NDUFAF2: variants seen among roughly 807,000 people sequenced by gnomAD.
NDUFAF2 encodes NADH:ubiquinone oxidoreductase complex assembly factor 2.
Under a neutral mutation model 22.8 loss-of-function variants are expected in NDUFAF2, and 13 were observed. The observed-to-expected ratio is 0.57, with a 90% CI of 0.37 to 0.91. The LOEUF (loss-of-function observed/expected upper bound fraction) is 0.91, where lower values mean the gene tolerates loss of function less well. NDUFAF2 is among the 40% of genes least tolerant of loss of function. NDUFAF2 has a pLI of 0.01. For missense variants in NDUFAF2, 162 were observed against 195.2 expected (o/e 0.83, Z 1.01); for synonymous variants, 53 against 64.2 (o/e 0.83, Z 0.84).
intron 2 of NDUFAF2, among the ~76,000 whole-genome samples, chr5:61,079,705 G>A (rs1752416804): frequency 6.6e-6 from 1 of 152,176 alleles, no homozygotes; most frequent in African/African-American, 2.4e-5. Context: ...CCTTTATCAA[G>A]TTGCAGAACT....
Position 61,040,303 on chromosome 5 carries a change from A to ACGCGCGCGCGC in NDUFAF2, c.128-32822_128-32821insCGCGCGCGCGC, listed in dbSNP as rs1561548691. ...ACACACACACGCGCGCGCGCGCGCG[A>ACGCGCGCGCGC]AAGTTGAAAGCAGAGATTGGAGTAA... On this transcript the variant is annotated intron_variant, in intron 1 of 3. Coordinates refer to ENST00000296597, the MANE Select transcript of NDUFAF2 (RefSeq NM_174889.5). 3.2e-3 allele frequency among the ~76,000 whole-genome samples: 444 copies of ACGCGCGCGCGC among 137,436 alleles called. 1 individual carries two copies. The highest frequency in any genetic ancestry group is 0.011 in the African/African-American group (402 of 37,454). The allele number at this position is 137,436 out of a possible 152,430, so 90.2% of individuals were successfully genotyped here.
rs565182830 is a variant in NDUFAF2 at position 61,009,989 on chromosome 5, C to G, written c.128-63136C>G. On this transcript the variant is annotated intron_variant, in intron 1 of 3. Transcript: ENST00000296597. The stretch of plus-strand genomic sequence containing the variant: ...TCAGAAACCTGAGAGTCAGACTTAA[C>G]TCTTTCTGACTTACTCCCAATGTTC... Among the ~76,000 whole-genome samples the G allele has an allele frequency of 1.6e-4, 25 of 152,230 alleles. No individual in the cohort carries two copies. The South Asian group carries it at 5.0e-3, about 30-fold the overall frequency.
intron 1 of NDUFAF2, among the ~76,000 whole-genome samples, chr5:61,009,381 A>C (rs1021154557): frequency 8.5e-5 from 13 of 152,078 alleles, no homozygotes; most frequent in Admixed American, 8.5e-4. Flanking sequence ...TATGGTATGT[A>C]ACATCTCCTA....
At chr5:60,987,018 T>A (rs949238636) in intron 1 of NDUFAF2, among the ~76,000 whole-genome samples, 3 of 148,088 alleles carry the variant, frequency 2.0e-5, no homozygotes, top group Non-Finnish European at 4.5e-5. Context: ...AAAGAATTAA[T>A]AATATAGACT....
intron 2 of NDUFAF2, among the ~76,000 whole-genome samples, chr5:61,097,553 T>C (rs1427593996): frequency 6.6e-6 from 1 of 152,224 alleles, no homozygotes; most frequent in African/African-American, 2.4e-5. Context: ...CTGTTAGAGC[T>C]GGTCACAAGA....
At chr5:60,957,458 T>C (rs1205906662) in intron 1 of NDUFAF2, among the ~76,000 whole-genome samples, 2 of 151,970 alleles carry the variant, frequency 1.3e-5, no homozygotes, top group Non-Finnish European at 2.9e-5. Context: ...TTGGTTATCG[T>C]ATAATGTTAT....
intron 1 of NDUFAF2, among the ~76,000 whole-genome samples, chr5:60,956,029 G>A (rs1382846972): frequency 1.3e-5 from 2 of 151,380 alleles, no homozygotes; most frequent in African/African-American, 4.8e-5. Flanking sequence ...ATCCTCCTAA[G>A]TACTGGGACT....
intron 1 of NDUFAF2, among the ~76,000 whole-genome samples, chr5:60,982,102 G>A (rs980479543): frequency 6.6e-6 from 1 of 152,152 alleles, no homozygotes; most frequent in African/African-American, 2.4e-5. Context: ...ATTACATCAT[G>A]TTGAAAAGCT....
chr5:61,061,108 T>C (rs1216485851), intron 1 of NDUFAF2, among the ~76,000 whole-genome samples: 1 of 152,166 alleles, frequency 6.6e-6, no homozygotes, highest in Non-Finnish European at 1.5e-5. Context: ...TATTTGTAAG[T>C]AGTAATATTA....
chr5:61,110,761 G>T (rs1752830473), intron 3 of NDUFAF2, among the ~76,000 whole-genome samples: 1 of 151,828 alleles, frequency 6.6e-6, no homozygotes, highest in South Asian at 2.1e-4. Flanking sequence ...TTTTAAAAAT[G>T]ACTTTTCTTG....
intron 1 of NDUFAF2, among the ~76,000 whole-genome samples, chr5:61,040,284 A>ACGCGCG (rs1297710611): frequency 1.8e-4 from 16 of 87,216 alleles, no homozygotes; most frequent in African/African-American, 5.4e-4. Flanking sequence ...ACACACACAC[A>ACGCGCG]CACGCGCGCG....
intron 3 of NDUFAF2, among the ~76,000 whole-genome samples, chr5:61,130,673 A>G (rs937854918): frequency 1.3e-5 from 2 of 152,130 alleles, no homozygotes; most frequent in Non-Finnish European, 2.9e-5. Flanking sequence ...GATTCCCTTA[A>G]TATTCATTTG....
chr5:61,048,539 G>A (rs1751983610), intron 1 of NDUFAF2, among the ~76,000 whole-genome samples: 1 of 152,096 alleles, frequency 6.6e-6, no homozygotes, highest in Non-Finnish European at 1.5e-5. Flanking sequence ...TTTGCCTAAG[G>A]TTGGGGATAA....
intron 3 of NDUFAF2, among the ~76,000 whole-genome samples, chr5:61,141,640 A>T (rs1172620387): frequency 6.6e-6 from 1 of 151,394 alleles, no homozygotes. Flanking sequence ...TAGGCCCTTA[A>T]ATTGTAGGTG....
intron 2 of NDUFAF2, among the ~76,000 whole-genome samples, chr5:61,088,341 T>A (rs1752528931): frequency 6.6e-6 from 1 of 152,034 alleles, no homozygotes; most frequent in Non-Finnish European, 1.5e-5. Context: ...GGTCCTACCC[T>A]CATTCAAGGA....
At chr5:61,051,850 T>G (rs1014665097) in intron 1 of NDUFAF2, among the ~76,000 whole-genome samples, 1 of 152,128 alleles carries the variant, frequency 6.6e-6, no homozygotes, top group South Asian at 2.1e-4. Flanking sequence ...GGCACTAATA[T>G]AAACTCTGAT....
chr5:60,989,788 C>T (rs1292038908), intron 1 of NDUFAF2, among the ~76,000 whole-genome samples: 6 of 152,056 alleles, frequency 3.9e-5, no homozygotes, highest in Non-Finnish European at 7.4e-5. Context: ...GAAAAAATAC[C>T]TATCGGGTAC....
chr5:60,984,485 A>G (rs1474763241), intron 1 of NDUFAF2, among the ~76,000 whole-genome samples: 14 of 152,240 alleles, frequency 9.2e-5, no homozygotes, highest in South Asian at 2.1e-4. Flanking sequence ...CAGTTTTCAA[A>G]GGGAATGTTT....
intron 1 of NDUFAF2, among the ~76,000 whole-genome samples, chr5:61,039,893 C>A (rs1391299783): frequency 1.3e-5 from 2 of 151,982 alleles, no homozygotes; most frequent in African/African-American, 4.8e-5. Flanking sequence ...TTTTGAGGAG[C>A]CATTACTATA....
Sources: allele counts gnomAD v4.1 joint callset (sites outside exome capture counted in the v4.1 genomes callset), GRCh38; gene constraint gnomAD v4.1.1; transcripts MANE v1.5; gene names NCBI Gene and HGNC (gene_info 2026-07-23, HGNC 2026-07-21).